The following LMAN2 variants were observed in gnomAD, a reference collection of about 807,000 sequenced individuals.
LMAN2 encodes the protein vesicular integral-membrane protein VIP36.
A neutral mutation model predicts 39.3 loss-of-function variants in LMAN2; 22 were observed. The observed-to-expected ratio is 0.56, with a 90% CI of 0.40 to 0.80. The LOEUF is 0.80. Among genes scored for constraint, LMAN2 ranks in the 30% least tolerant of loss-of-function variants. The pLI is 0.00. For missense variants in LMAN2, 494 were observed against 505.4 expected, an observed-to-expected ratio of 0.98 and a Z score of 0.22; for synonymous variants, 207 against 207.8, an observed-to-expected ratio of 1.00 and a Z score of 0.03.
At chr5:177,350,483 C>T (rs1761705328) in intron 2 of LMAN2, among the ~76,000 whole-genome samples, 1 of 152,202 alleles carries the variant, frequency 6.6e-6, no homozygotes, top group Non-Finnish European at 1.5e-5. Flanking sequence ...GCAAAGGTCA[C>T]AGACACTAGA....
In LMAN2 at chr5:177,332,017, T is replaced by C; in HGVS notation, c.*69A>G. 1 of 1,426,176 alleles carries C rather than the reference T, an allele frequency of 7.0e-7. No individual in the cohort carries two copies. Among genetic ancestry groups the C allele is most frequent in the Non-Finnish European group, 9.5e-7 (1 of 1,049,872 alleles). The allele number at this position is 1,426,176 out of a possible 1,614,324, so 88.3% of individuals were successfully genotyped here. ...ATAAGGTCATCTTGTTGTTCTTTTA[T>C]AATCCCGGTAAAAAAAAAAGTTCAC... On this transcript the variant is annotated 3_prime_UTR_variant, in exon 8 of 8. Coordinates refer to ENST00000303127, the MANE Select transcript of LMAN2 (RefSeq NM_006816.3). This position sits in a 1 kb window ranked among gnomAD's most constrained non-coding sequence, Gnocchi z 6.3.
chr5:177,351,100 G>A, intron 2 of LMAN2, 73 bp downstream of exon 2: 8 of 1,319,000 alleles, frequency 6.1e-6, no homozygotes, highest in Non-Finnish European at 8.8e-6. Context: ...ACGAAGCTGG[G>A]GTCTCAGCTG....
At chr5:177,334,056 G>A (rs925439395) in intron 7 of LMAN2, among the ~76,000 whole-genome samples, 1 of 152,200 alleles carries the variant, frequency 6.6e-6, no homozygotes, top group African/African-American at 2.4e-5. Context: ...CTTCTCTTCC[G>A]CCTCATTCAT....
chr5:177,341,332 C>A (rs1192803985), intron 2 of LMAN2, among the ~76,000 whole-genome samples: 1 of 152,004 alleles, frequency 6.6e-6, no homozygotes, highest in Non-Finnish European at 1.5e-5. Flanking sequence ...TCCCAAAGTG[C>A]TGGGATTACA....
chr5:177,331,905 TA>T lies in LMAN2; in HGVS notation c.*180del. On this transcript the variant is annotated 3_prime_UTR_variant, in exon 8 of 8. Transcript: ENST00000303127. Reference sequence around the variant, plus strand: ...TCCAGCTGTGGGGGGTGCCAGACCCTAAGCCTCGGCTCTGCCACCTGTCCCT... The same window carrying T: ...TCCAGCTGTGGGGGGTGCCAGACCCTAGCCTCGGCTCTGCCACCTGTCCCT... 3 of 693,396 alleles carry T rather than the reference TA, an allele frequency of 4.3e-6. No homozygotes were observed. Among genetic ancestry groups the T allele is most frequent in the Non-Finnish European group, 6.9e-6 (3 of 437,072 alleles). 43.0% of individuals were successfully genotyped at this position (693,396 alleles called of 1,614,324 possible).
rs371401137 is a variant in LMAN2, at chr5:177,334,265, C to A, written c.910+19G>T. ...TCAGGCCGCCCAGGCCCAGGCAGGG[C>A]GGGGCTGTGCACACGCACCTTTGGG... is the stretch of plus-strand genomic sequence containing the variant. On this transcript the variant is annotated intron_variant, in intron 7 of 7. Coordinates refer to ENST00000303127, the MANE Select transcript of LMAN2 (RefSeq NM_006816.3). The A allele has an allele frequency of 6.2e-7, 1 of 1,606,930 alleles. No individual in the cohort carries two copies. The highest frequency in any genetic ancestry group is 8.5e-7 in the Non-Finnish European group (1 of 1,177,660).
intron 2 of LMAN2, among the ~76,000 whole-genome samples, chr5:177,339,730 T>C (rs1304001324): frequency 1.3e-5 from 2 of 152,076 alleles, no homozygotes; most frequent in Non-Finnish European, 2.9e-5. Context: ...TAAAGGAACA[T>C]GAACCAGTAT....
At chr5:177,349,942 A>C (rs1189860280) in intron 2 of LMAN2, among the ~76,000 whole-genome samples, 1 of 152,216 alleles carries the variant, frequency 6.6e-6, no homozygotes, top group Non-Finnish European at 1.5e-5. Flanking sequence ...AGGGAACAAC[A>C]GGTGCAAAGG....
At chr5:177,334,474 A>G in intron 6 of LMAN2, 71 bp from the exon 7 acceptor site, 1 of 1,537,028 alleles carries the variant, frequency 6.5e-7, no homozygotes, top group Non-Finnish European at 8.7e-7. Context: ...AGACCCTCCC[A>G]CAAGGAAAGC....
chr5:177,335,648 C>T (rs1036041261), intron 6 of LMAN2, among the ~76,000 whole-genome samples: 6 of 152,164 alleles, frequency 3.9e-5, no homozygotes, highest in African/African-American at 1.4e-4. Flanking sequence ...ATGATGAAAG[C>T]TGGTTGGCAG....
At chr5:177,338,656 A>C (rs774935667) in intron 2 of LMAN2, 51 bp from the exon 3 acceptor site, 2 of 1,483,810 alleles carry the variant, frequency 1.3e-6, no homozygotes, top group South Asian at 2.3e-5. Flanking sequence ...GCCTTCCAGC[A>C]AGCTGGAGGC....
chr5:177,346,985 T>C (rs762520009), intron 2 of LMAN2, among the ~76,000 whole-genome samples: 2 of 152,106 alleles, frequency 1.3e-5, no homozygotes, highest in Non-Finnish European at 1.5e-5. Context: ...AGTCAACAAG[T>C]AGAGAATCCA....
In LMAN2 at chr5:177,332,787, T is replaced by C. The variant is rs1193094739; in HGVS notation, c.911-541A>G. On this transcript the variant is annotated intron_variant, in intron 7 of 7. Transcript: ENST00000303127. The surrounding 1 kb of genome is among the most constrained non-coding windows in gnomAD (Gnocchi z 6.3). ...CCCACAGGTCCTGCCCATCCTGGGA[T>C]GGGGCCCACTGGTACGCTCCCTTGT... Among the ~76,000 whole-genome samples the C allele has an allele frequency of 2.0e-5, 3 of 152,120 alleles. No homozygotes were observed. The highest frequency in any genetic ancestry group is 4.4e-5 in the Non-Finnish European group (3 of 68,004).
At chr5:177,341,067 T>C (rs1352584139) in intron 2 of LMAN2, among the ~76,000 whole-genome samples, 2 of 138,620 alleles carry the variant, frequency 1.4e-5, no homozygotes, top group Non-Finnish European at 1.6e-5. Flanking sequence ...TTTTTTTCTT[T>C]TTTTTTTTTT....
rs545984276 is a variant in LMAN2 at position 177,332,146 on chromosome 5, G to A, written c.1011C>T (p.Cys337=). ...GGAACACCACGGCCCCCACCACGGC[G>A]CAGACAACGATGCCCAGGAGAGCGC... ...LLCALLGIVV[C]AVVGAVVFQK... Residue 337 remains cysteine (C), a synonymous_variant, in exon 8 of 8, where the codon TGC becomes TGT. Transcript: ENST00000303127. The surrounding 1 kb of genome is among the most constrained non-coding windows in gnomAD (Gnocchi z 6.3). The A allele has an allele frequency of 1.0e-4, 163 of 1,613,616 alleles. No homozygotes were observed. The highest frequency in any genetic ancestry group is 6.9e-4 in the East Asian group (31 of 44,870).
rs529028012 is a variant in LMAN2, at chr5:177,337,204, T to C, written c.722A>G (p.Asp241Gly). ...GGTGGGCAGGCGCACTCCCGTGATG[T>C]CAATGCAGTTCTTCCACTCGTTCTT... Reference protein sequence around the residue: ...EDKNEWKNCIDITGVRLPTGY... With the variant: ...EDKNEWKNCIGITGVRLPTGY... The change falls in exon 6 of 8, where the codon GAC becomes GGC. Residue 241 changes from aspartate to glycine, a missense_variant. Asp to Gly is a moderately conservative substitution (Grantham distance 94, BLOSUM62 -1). Coordinates refer to ENST00000303127, the MANE Select transcript of LMAN2 (RefSeq NM_006816.3). The surrounding 1 kb of genome is among the most constrained non-coding windows in gnomAD (Gnocchi z 8.2). 1 of 1,614,036 alleles carries C rather than the reference T, an allele frequency of 6.2e-7. No homozygotes were observed. Among genetic ancestry groups the C allele is most frequent in the South Asian group, 1.1e-5 (1 of 91,090 alleles).
At chr5:177,345,780 T>TATTTA (rs1761629689) in intron 2 of LMAN2, among the ~76,000 whole-genome samples, 1 of 151,002 alleles carries the variant, frequency 6.6e-6, no homozygotes, top group African/African-American at 2.4e-5. Flanking sequence ...TTTATTTATT[T>TATTTA]ATTTTTTGAG....
rs1761484564 is a variant in LMAN2 at position 177,337,094 on chromosome 5, G to A, written c.790+42C>T. On this transcript the variant is annotated intron_variant, in intron 6 of 7. Transcript: ENST00000303127. The surrounding 1 kb of genome is among the most constrained non-coding windows in gnomAD (Gnocchi z 8.2). ...CATGGAAAGCTCCCAGTCCCTCAGG[G>A]TGAGCTGGGCTGGGAACCAACGCCT... 1.4e-6 allele frequency: 2 copies of A among 1,462,716 alleles called. No individual in the cohort carries two copies. Among genetic ancestry groups the A allele is most frequent in the East Asian group, 4.5e-5 (2 of 44,060 alleles). The allele number at this position is 1,462,716 out of a possible 1,614,324, so 90.6% of individuals were successfully genotyped here.
chr5:177,351,601 C>G lies in LMAN2; in HGVS notation c.47G>C (p.Cys16Ser). Reference sequence around the variant, plus strand: ...GCCGAGAAGCCCAGGCCTTCCCAGGCACCGCCGGCCCCAGCCCCAACGCCA... The same window carrying G: ...GCCGAGAAGCCCAGGCCTTCCCAGGGACCGCCGGCCCCAGCCCCAACGCCA... The part of the protein sequence containing the change: ...WIWRWGWGRR[C>S]LGRPGLLGPG... The change falls in exon 1 of 8, where the codon TGC (cysteine) becomes TCC (serine). Residue 16 changes from cysteine (C) to serine (S), a missense_variant. Physicochemically the swap from Cys to Ser is moderately radical, Grantham distance 112. Coordinates refer to ENST00000303127, the MANE Select transcript of LMAN2 (RefSeq NM_006816.3). 2.5e-6 allele frequency: 4 copies of G among 1,610,022 alleles called. No individual in the cohort carries two copies. Among genetic ancestry groups the G allele is most frequent in the Non-Finnish European group, 3.4e-6 (4 of 1,178,694 alleles).
Sources: gnomAD v4.1 joint callset for allele counts (sites outside exome capture counted in the v4.1 genomes callset) on GRCh38, gnomAD v4.1.1 for gene constraint, Gnocchi (gnomAD v3.1) non-coding constraint, MANE v1.5 for transcripts, NCBI Gene and HGNC (gene_info 2026-07-23, HGNC 2026-07-21) for gene names.